Variants in ZC3H13 observed in about 807,000 individuals in gnomAD.
ZC3H13 encodes the protein zinc finger CCCH-type containing 13.
A neutral mutation model predicts 204.1 loss-of-function variants in ZC3H13; 64 were observed. The ratio of observed to expected loss-of-function variants is 0.31; its 90% confidence interval spans 0.26 to 0.39. ZC3H13 has a LOEUF of 0.39. ZC3H13 is among the 10% of genes least tolerant of loss of function. ZC3H13 has a pLI of 1.00. For synonymous variants in ZC3H13, 667 were observed against 693.7 expected (o/e 0.96, Z 0.60); for missense variants, 1,833 against 2,082.7 (o/e 0.88, Z 2.33).
In ZC3H13 at chr13:46,010,444, T is replaced by C. The variant is rs1211463833; in HGVS notation, c.650A>G (p.Lys217Arg). The C allele has an allele frequency of 6.2e-7, 1 of 1,613,812 alleles. No homozygotes were observed. The highest frequency in any genetic ancestry group is 1.7e-5 in the Admixed American group (1 of 59,996). Residue 217 changes from lysine (K) to arginine (R), a missense_variant, in exon 7 of 19, where the codon AAA becomes AGA. Physicochemically the swap from Lys to Arg is conservative, Grantham distance 26 (BLOSUM62 2). Coordinates refer to ENST00000679008, the MANE Select transcript of ZC3H13 (RefSeq NM_001330564.2). ...CGGGCTTGATTTTCGCTTCGGAGAT[T>C]TGCTAGACTTTCTTAGAGAAGGTGA... is the stretch of plus-strand genomic sequence containing the variant. Reference protein sequence around the residue: ...SPSPSLRKSSKSPKRKSSPKS... With the variant: ...SPSPSLRKSSRSPKRKSSPKS...
intron 5 of ZC3H13, among the ~76,000 whole-genome samples, chr13:46,012,953 T>C (rs1467941750): frequency 3.9e-5 from 6 of 152,186 alleles, no homozygotes; most frequent in Non-Finnish European, 7.4e-5. Flanking sequence ...AGAAGAATGA[T>C]TAACAGTGTT....
Position 45,963,996 on chromosome 13 carries a change from C to G in ZC3H13, c.4521G>C (p.Lys1507Asn), listed in dbSNP as rs372247241. Reference sequence around the variant, plus strand: ...CAGGCTCTCGTGGTTCTTTTGGATGCTTTGGCATAAGACCAGACCAATCCA... The same window carrying G: ...CAGGCTCTCGTGGTTCTTTTGGATGGTTTGGCATAAGACCAGACCAATCCA... ...IDVDWSGLMP[K>N]HPKEPREPGA... Residue 1507 changes from lysine (K) to asparagine (N), a missense_variant, in exon 17 of 19, where the codon AAG becomes AAC. Physicochemically the swap from Lys to Asn is moderately conservative, Grantham distance 94. Transcript: ENST00000679008. 3 of 1,614,014 alleles carry G rather than the reference C, an allele frequency of 1.9e-6. No homozygotes were observed. The African/African-American group carries it at 4.0e-5, about 22-fold the overall frequency.
At chr13:46,022,572 A>C (rs2042283803) in intron 4 of ZC3H13, among the ~76,000 whole-genome samples, 1 of 152,028 alleles carries the variant, frequency 6.6e-6, no homozygotes, top group Non-Finnish European at 1.5e-5. Flanking sequence ...CTTCTCTTAA[A>C]TCCAAACATA....
chr13:46,010,930 C>T (rs1482463773), intron 6 of ZC3H13, among the ~76,000 whole-genome samples: 1 of 152,020 alleles, frequency 6.6e-6, no homozygotes, highest in Non-Finnish European at 1.5e-5. Context: ...ATTATAATAA[C>T]CACTATCTGT....
chr13:46,020,492 T>C lies in ZC3H13; in HGVS notation c.405A>G (p.Pro135=). Reference sequence around the variant, plus strand: ...ATTCTACATTTTCTTCTTCACTTTCTGGAGTTCTTTCCTTAGTGATTTTTA... The same window carrying C: ...ATTCTACATTTTCTTCTTCACTTTCCGGAGTTCTTTCCTTAGTGATTTTTA... The part of the protein sequence containing the change: ...EDIKITKERT[P]ESEEENVEWE... The change falls in exon 5 of 19, where the codon CCA becomes CCG. Residue 135 remains proline, a synonymous_variant. Transcript: ENST00000679008. The C allele has an allele frequency of 6.2e-7, 1 of 1,611,448 alleles. No homozygotes were observed. Among genetic ancestry groups the C allele is most frequent in the Non-Finnish European group, 8.5e-7 (1 of 1,178,826 alleles).
chr13:46,016,125 C>T (rs1209417143), intron 5 of ZC3H13, among the ~76,000 whole-genome samples: 1 of 151,988 alleles, frequency 6.6e-6, no homozygotes, highest in Non-Finnish European at 1.5e-5. Flanking sequence ...GCAAAAACAC[C>T]GTATGGTTAA....
chr13:45,988,654 C>T (rs1044176171), intron 9 of ZC3H13, 133 bp downstream of exon 9: 2 of 935,608 alleles, frequency 2.1e-6, no homozygotes, highest in East Asian at 5.1e-5. Flanking sequence ...TAAGCATCTC[C>T]TATTGCCCTC....
At chr13:45,993,885 A>T (rs561268787) in intron 8 of ZC3H13, among the ~76,000 whole-genome samples, 30 of 152,194 alleles carry the variant, frequency 2.0e-4, no homozygotes, top group South Asian at 6.2e-4. Context: ...AGATTTGATT[A>T]AAAAAAACCC....
intron 4 of ZC3H13, among the ~76,000 whole-genome samples, chr13:46,033,262 G>C (rs2139018334): frequency 6.6e-6 from 1 of 152,152 alleles, no homozygotes; most frequent in East Asian, 1.9e-4. Flanking sequence ...TAACCACATA[G>C]AGAAGACCTG....
intron 1 of ZC3H13, among the ~76,000 whole-genome samples, chr13:46,047,720 C>T (rs1355646647): frequency 6.6e-6 from 1 of 152,054 alleles, no homozygotes; most frequent in African/African-American, 2.4e-5. Context: ...AAATGTATCA[C>T]AATGTATAAG....
chr13:46,003,196 T>C lies in ZC3H13; in HGVS notation c.887A>G (p.Asp296Gly), dbSNP rs1306558645. 1 of 1,613,114 alleles carries C rather than the reference T, an allele frequency of 6.2e-7. No individual in the cohort carries two copies. The highest frequency in any genetic ancestry group is 8.5e-7 in the Non-Finnish European group (1 of 1,179,792). ...AAAATCTCGTCCTCTGTCCTTTCCATCTCTTGTTTTTTCTTCTATCCTGTC... is the reference window on the plus strand; with the variant it reads ...AAAATCTCGTCCTCTGTCCTTTCCACCTCTTGTTTTTTCTTCTATCCTGTC... ...VKDRIEEKTR[D>G]GKDRGRDFER... Residue 296 changes from aspartate (D) to glycine (G), a missense_variant, in exon 8 of 19, where the codon GAT becomes GGT. Physicochemically the swap from Asp to Gly is moderately conservative, Grantham distance 94 (BLOSUM62 -1). Around this residue, in one of 5 missense-constraint regions of ZC3H13, gnomAD observed 1,574 missense variants for 1,757.2 expected, o/e 0.90. Transcript: ENST00000679008.
In ZC3H13 at chr13:46,045,480, C is replaced by T; in HGVS notation, c.28G>A (p.Val10Met). The T allele has an allele frequency of 4.3e-6, 7 of 1,614,082 alleles. No homozygotes were observed. The South Asian group carries it at 6.6e-5, about 15-fold the overall frequency. Residue 10 changes from valine to methionine, a missense_variant, in exon 2 of 19, where the codon GTG (valine) becomes ATG (methionine). Around this residue, in one of 5 missense-constraint regions of ZC3H13, gnomAD observed 24 missense variants for 27.6 expected, o/e 0.87. Coordinates refer to ENST00000679008, the MANE Select transcript of ZC3H13 (RefSeq NM_001330564.2). MSKIRRKVTVENTKTISDST... is the reference protein window; with the variant it reads MSKIRRKVTMENTKTISDST... Reference sequence around the variant, plus strand: ...TCAGATATAGTCTTGGTATTTTCCACTGTGACCTTCCTTCTAATTTTTGAC... The same window carrying T: ...TCAGATATAGTCTTGGTATTTTCCATTGTGACCTTCCTTCTAATTTTTGAC...
At chr13:45,995,955 A>G (rs2040304507) in intron 8 of ZC3H13, among the ~76,000 whole-genome samples, 2 of 152,170 alleles carry the variant, frequency 1.3e-5, no homozygotes, top group African/African-American at 4.8e-5. Flanking sequence ...TCTGAGTACT[A>G]TTTTTTCATT....
chr13:45,995,805 T>A (rs2138379902), intron 8 of ZC3H13, among the ~76,000 whole-genome samples: 1 of 152,346 alleles, frequency 6.6e-6, no homozygotes, highest in South Asian at 2.1e-4. Flanking sequence ...ATTAAACTTC[T>A]TTTCTTTATA....
chr13:45,985,497 T>C lies in ZC3H13; in HGVS notation c.1520A>G (p.Tyr507Cys), dbSNP rs760765718. Residue 507 changes from tyrosine (Y) to cysteine (C), a missense_variant, in exon 10 of 19, where the codon TAC becomes TGC. Transcript: ENST00000679008. ...AGTATCTCGACCTTCACGGTCCCTGTAGTCATGGGCATCACGAGTGGACCG... is the reference window on the plus strand; with the variant it reads ...AGTATCTCGACCTTCACGGTCCCTGCAGTCATGGGCATCACGAGTGGACCG... ...DSRSTRDAHD[Y>C]RDREGRDTHR... 7 of 1,614,208 alleles carry C rather than the reference T, an allele frequency of 4.3e-6. No individual in the cohort carries two copies. In the Admixed American group the frequency reaches 6.7e-5, roughly 15 times the overall value.
chr13:46,027,390 C>T (rs570092672), intron 4 of ZC3H13, among the ~76,000 whole-genome samples: 1 of 152,202 alleles, frequency 6.6e-6, no homozygotes. Flanking sequence ...CAGGCATGAG[C>T]CACTGTGCCC....
chr13:46,005,931 C>T (rs924715398), intron 7 of ZC3H13, among the ~76,000 whole-genome samples: 2 of 151,998 alleles, frequency 1.3e-5, no homozygotes, highest in African/African-American at 4.8e-5. Context: ...CCCGCCTCTA[C>T]TAAAAATACA....
chr13:45,986,211 T>C (rs961470305), intron 9 of ZC3H13, among the ~76,000 whole-genome samples: 1 of 152,380 alleles, frequency 6.6e-6, no homozygotes, highest in African/African-American at 2.4e-5. Flanking sequence ...AGCTAGCTGG[T>C]TGAGTGATAC....
chr13:45,994,145 T>A (rs2040164604), intron 8 of ZC3H13, among the ~76,000 whole-genome samples: 1 of 152,226 alleles, frequency 6.6e-6, no homozygotes, highest in Non-Finnish European at 1.5e-5. Flanking sequence ...GAATAGTAAA[T>A]ATATTTTCTC....
Sources: allele counts gnomAD v4.1 joint callset (sites outside exome capture counted in the v4.1 genomes callset), GRCh38; gene constraint gnomAD v4.1.1; regional missense constraint gnomAD v4.1.1; transcripts MANE v1.5; gene names NCBI Gene and HGNC (gene_info 2026-07-23, HGNC 2026-07-21).